The following ITGA9 variants were observed in gnomAD, a reference collection of about 807,000 sequenced individuals.
ITGA9 encodes the protein integrin alpha-9.
Under a neutral mutation model 127.8 loss-of-function variants are expected in ITGA9, and 56 were observed. The ratio of observed to expected loss-of-function variants is 0.44; its 90% confidence interval spans 0.35 to 0.55. The LOEUF is 0.55. Among genes scored for constraint, ITGA9 ranks in the 20% least tolerant of loss-of-function variants. ITGA9 has a pLI of 0.00. For missense variants in ITGA9, 1,196 were observed against 1,347.1 expected, an observed-to-expected ratio of 0.89 and a Z score of 1.76; for synonymous variants, 508 against 514.5, an observed-to-expected ratio of 0.99 and a Z score of 0.17.
At chr3:37,720,413 C>T (rs556923534) in intron 18 of ITGA9, among the ~76,000 whole-genome samples, 9 of 152,128 alleles carry the variant, frequency 5.9e-5, no homozygotes, top group South Asian at 2.1e-4. Context: ...TTGAGTTTTC[C>T]GTCAGCCTAT....
chr3:37,637,448 G>A (rs932805188), intron 16 of ITGA9, among the ~76,000 whole-genome samples: 4 of 152,138 alleles, frequency 2.6e-5, no homozygotes, highest in Admixed American at 1.3e-4. Flanking sequence ...TGTTATTGGT[G>A]TATAAGAATG....
At chr3:37,702,269 G>GA (rs1283266885) in intron 18 of ITGA9, among the ~76,000 whole-genome samples, 1 of 152,200 alleles carries the variant, frequency 6.6e-6, no homozygotes, top group Non-Finnish European at 1.5e-5. Context: ...GTGCAGCCAG[G>GA]AAATATCATA....
intron 15 of ITGA9, among the ~76,000 whole-genome samples, chr3:37,628,224 A>T (rs1424692378): frequency 6.6e-6 from 1 of 152,012 alleles, no homozygotes; most frequent in Non-Finnish European, 1.5e-5. Context: ...CACGTCTCAG[A>T]CTTGCCCTGC....
At chr3:37,519,380 A>G in intron 11 of ITGA9, 26 bp downstream of exon 11, 2 of 1,536,318 alleles carry the variant, frequency 1.3e-6, no homozygotes, top group East Asian at 2.2e-5. Context: ...GTGATATGGC[A>G]ACTGTTCATA....
intron 18 of ITGA9, among the ~76,000 whole-genome samples, chr3:37,696,690 A>G (rs1412333430): frequency 1.3e-5 from 2 of 152,220 alleles, no homozygotes; most frequent in South Asian, 2.1e-4. Flanking sequence ...CCAGCCCAGC[A>G]TAGTTATTAT....
At chr3:37,466,210 T>C (rs1698368559) in intron 1 of ITGA9, among the ~76,000 whole-genome samples, 1 of 151,934 alleles carries the variant, frequency 6.6e-6, no homozygotes, top group Admixed American at 6.6e-5. Context: ...AGGCCAGGCA[T>C]AGTGGCTCAG....
At chr3:37,789,859 T>G in intron 26 of ITGA9, 48 of 425,668 alleles carry the variant, frequency 1.1e-4, no homozygotes, top group Non-Finnish European at 1.8e-4. Flanking sequence ...ATGCCAAAAA[T>G]GAGAAAATAG....
chr3:37,748,558 G>A, intron 22 of ITGA9: 1 of 453,150 alleles, frequency 2.2e-6, no homozygotes, highest in Non-Finnish European at 4.0e-6. Context: ...GACCAACCTG[G>A]CCAACATGGT....
chr3:37,694,200 A>G (rs1033756145), intron 18 of ITGA9, among the ~76,000 whole-genome samples: 7 of 152,176 alleles, frequency 4.6e-5, no homozygotes, highest in African/African-American at 1.7e-4. Flanking sequence ...GGTCTTCCCC[A>G]TCCGCTTATC....
chr3:37,600,614 C>T (rs1383832747), intron 15 of ITGA9, among the ~76,000 whole-genome samples: 6 of 152,178 alleles, frequency 3.9e-5, no homozygotes, highest in African/African-American at 1.4e-4. Flanking sequence ...ATGACACTGT[C>T]ACCTCCATCT....
At chr3:37,706,169 C>G (rs1339845316) in intron 18 of ITGA9, among the ~76,000 whole-genome samples, 2 of 152,194 alleles carry the variant, frequency 1.3e-5, no homozygotes, top group Non-Finnish European at 2.9e-5. Flanking sequence ...CTCCTTCCCC[C>G]TGCACACATG....
intron 15 of ITGA9, among the ~76,000 whole-genome samples, chr3:37,623,182 T>G (rs1700143417): frequency 6.7e-6 from 1 of 149,314 alleles, no homozygotes; most frequent in Non-Finnish European, 1.5e-5. Flanking sequence ...CCTTAACCAC[T>G]GTCCTCTGCC....
intron 6 of ITGA9, among the ~76,000 whole-genome samples, chr3:37,505,303 A>G (rs1194911651): frequency 7.2e-5 from 11 of 152,230 alleles, no homozygotes; most frequent in Admixed American, 2.6e-4. Flanking sequence ...TGAAAGAGAT[A>G]CCTAAAGACA....
intron 18 of ITGA9, among the ~76,000 whole-genome samples, chr3:37,710,574 A>C (rs1023766235): frequency 1.3e-5 from 2 of 152,222 alleles, no homozygotes; most frequent in African/African-American, 4.8e-5. Context: ...AGTCCTGAAC[A>C]TCGGAGATAG....
intron 23 of ITGA9, among the ~76,000 whole-genome samples, chr3:37,754,491 C>T (rs1376211943): frequency 6.6e-6 from 1 of 152,160 alleles, no homozygotes; most frequent in Admixed American, 6.5e-5. Flanking sequence ...AAATAAATAT[C>T]ATACCATTCA....
intron 23 of ITGA9, among the ~76,000 whole-genome samples, chr3:37,760,931 A>G (rs1696716272): frequency 6.6e-6 from 1 of 152,204 alleles, no homozygotes; most frequent in Admixed American, 6.5e-5. Context: ...TACTTCTACA[A>G]AATAATGCAG....
intron 15 of ITGA9, among the ~76,000 whole-genome samples, chr3:37,581,653 A>G (rs1205877658): frequency 6.6e-6 from 1 of 152,244 alleles, no homozygotes; most frequent in Non-Finnish European, 1.5e-5. Flanking sequence ...GGAAAGCAAG[A>G]CAATGTCTCA....
intron 18 of ITGA9, among the ~76,000 whole-genome samples, chr3:37,708,225 T>C (rs985417120): frequency 6.6e-6 from 1 of 152,118 alleles, no homozygotes; most frequent in African/African-American, 2.4e-5. Context: ...AGCTAGTGGC[T>C]CTCATCCCCA....
intron 14 of ITGA9, among the ~76,000 whole-genome samples, chr3:37,541,669 C>T (rs1374463030): frequency 6.6e-6 from 1 of 152,126 alleles, no homozygotes; most frequent in African/African-American, 2.4e-5. Context: ...TCAGTACAGG[C>T]CCTACCGTGG....
Sources: allele counts gnomAD v4.1 joint callset (sites outside exome capture counted in the v4.1 genomes callset), GRCh38; gene constraint gnomAD v4.1.1; transcripts MANE v1.5; gene names NCBI Gene and HGNC (gene_info 2026-07-23, HGNC 2026-07-21).